Variants in CXXC5 observed in about 807,000 individuals in gnomAD.
CXXC5 encodes the protein CXXC-type zinc finger protein 5.
In CXXC5, 2 loss-of-function variants were observed where a neutral mutation model predicts 17.6. That is an observed-to-expected ratio of 0.11 (90% CI 0.05 to 0.36). The LOEUF (loss-of-function observed/expected upper bound fraction) is 0.36, where lower values mean the gene tolerates loss of function less well. Among genes scored for constraint, CXXC5 ranks in the 10% least tolerant of loss-of-function variants. The pLI, the probability that CXXC5 is intolerant of heterozygous loss-of-function variation, is 1.00. For synonymous variants in CXXC5, 171 were observed against 193.0 expected (o/e 0.89, Z 0.94); for missense variants, 343 against 458.3 (o/e 0.75, Z 2.30).
rs1325368527 is a variant in CXXC5, at chr5:139,658,289, T to C, written c.-161+9444T>C. ...AGAATGCTTGGAATGGAGGCATTTTTCAAGTCAGGATTCTCGTTGGGATTC... is the reference window on the plus strand; with the variant it reads ...AGAATGCTTGGAATGGAGGCATTTTCCAAGTCAGGATTCTCGTTGGGATTC... On this transcript the variant is annotated intron_variant, in intron 1 of 2. Coordinates refer to ENST00000302517, the MANE Select transcript of CXXC5 (RefSeq NM_016463.9). This position sits in a 1 kb window ranked among gnomAD's most constrained non-coding sequence, Gnocchi z 4.1. 6.6e-6 allele frequency among the ~76,000 whole-genome samples: 1 copy of C among 152,202 alleles called. No individual in the cohort carries two copies. The highest frequency in any genetic ancestry group is 1.5e-5 in the Non-Finnish European group (1 of 68,030).
At chr5:139,677,422 T>C (rs953833256) in intron 1 of CXXC5, among the ~76,000 whole-genome samples, 2 of 152,162 alleles carry the variant, frequency 1.3e-5, no homozygotes, top group African/African-American at 2.4e-5. Context: ...ATGGGGCTTT[T>C]GGTCAGGGGT....
At chr5:139,653,434 G>A (rs356448) in intron 1 of CXXC5, among the ~76,000 whole-genome samples, 10,712 of 152,218 alleles carry the variant, frequency 0.07, 465 homozygotes, top group South Asian at 0.13. Context: ...GGCTTACCTG[G>A]GAGTGTGAGC....
chr5:139,655,620 C>T (rs1195642956), intron 1 of CXXC5, among the ~76,000 whole-genome samples: 1 of 151,970 alleles, frequency 6.6e-6, no homozygotes, highest in African/African-American at 2.4e-5. Context: ...TCGCTGACAT[C>T]TCTGACCATC....
At chr5:139,652,120 C>T (rs1755218751) in intron 1 of CXXC5, among the ~76,000 whole-genome samples, 1 of 151,334 alleles carries the variant, frequency 6.6e-6, no homozygotes, top group Non-Finnish European at 1.5e-5. Context: ...TCTCTTACCC[C>T]CACCACCTGG....
intron 2 of CXXC5, among the ~76,000 whole-genome samples, chr5:139,682,510 C>A (rs1470996830): frequency 6.6e-6 from 1 of 152,206 alleles, no homozygotes; most frequent in African/African-American, 2.4e-5. Flanking sequence ...TAGCACGAGG[C>A]ACACACCCAT....
intron 1 of CXXC5, among the ~76,000 whole-genome samples, chr5:139,664,532 C>T (rs1476357856): frequency 3.3e-5 from 5 of 150,420 alleles, no homozygotes; most frequent in Admixed American, 6.6e-5. Context: ...GTCACTTCAT[C>T]GGGTTGACTT....
rs1353735748 is a variant in CXXC5 at position 139,655,473 on chromosome 5, C to T, written c.-161+6628C>T. On this transcript the variant is annotated intron_variant, in intron 1 of 2. Transcript: ENST00000302517. ...CCTGGGCATCCCTGCCGCTGAATTA[C>T]TGACCCAGAGGCTGCCTCTGCCTTC... 2.0e-5 allele frequency among the ~76,000 whole-genome samples: 3 copies of T among 147,658 alleles called. No homozygotes were observed. In the East Asian group the frequency reaches 6.2e-4, roughly 31 times the overall value.
At chr5:139,673,580 G>A (rs530742347) in intron 1 of CXXC5, among the ~76,000 whole-genome samples, 2 of 152,314 alleles carry the variant, frequency 1.3e-5, no homozygotes, top group Middle Eastern at 3.4e-3. Context: ...GGTGGCTCAC[G>A]CCTGTAACCC....
At chr5:139,652,901 G>A (rs1376510626) in intron 1 of CXXC5, among the ~76,000 whole-genome samples, 2 of 152,198 alleles carry the variant, frequency 1.3e-5, no homozygotes, top group African/African-American at 4.8e-5. Context: ...ACTCTGAGTA[G>A]AGTGTGTCTG....
In CXXC5 at chr5:139,681,285, C is replaced by T. The variant is rs1300002693; in HGVS notation, c.762C>T (p.Ser254=). The change falls in exon 2 of 3, where the codon AGC becomes AGT. Residue 254 remains serine, a synonymous_variant. Transcript: ENST00000302517. Reference sequence around the variant, plus strand: ...AGGGAGAGCTGGCCTCTGCCATCAGCTCCGGCAAGAAGAAGCGGAAACGCT... The same window carrying T: ...AGGGAGAGCTGGCCTCTGCCATCAGTTCCGGCAAGAAGAAGCGGAAACGCT... ...PMQGELASAI[S]SGKKKRKRCG... 1 of 1,612,792 alleles carries T rather than the reference C, an allele frequency of 6.2e-7. No homozygotes were observed.
At chr5:139,648,316 C>G (rs1178590983), upstream of CXXC5, 1 of 153,888 alleles carries the variant, frequency 6.5e-6, no homozygotes, top group Non-Finnish European at 1.5e-5. Flanking sequence ...CCCCGGGCAG[C>G]GTTCATAGCT....
Position 139,670,704 on chromosome 5 carries a change from A to G in CXXC5, c.-160-9660A>G, listed in dbSNP as rs913794674. ...CACGTGCACTTGGACATCCATGTAC[A>G]TTCACAGACTTGGGTCGCACACACA... On this transcript the variant is annotated intron_variant, in intron 1 of 2. Transcript: ENST00000302517. This position sits in a 1 kb window ranked among gnomAD's most constrained non-coding sequence, Gnocchi z 4.2. Among the ~76,000 whole-genome samples, 17 of 152,250 alleles carry G rather than the reference A, an allele frequency of 1.1e-4. No individual in the cohort carries two copies. The highest frequency in any genetic ancestry group is 3.9e-4 in the African/African-American group (16 of 41,464).
Position 139,652,155 on chromosome 5 carries a change from CGCGCGCGCGCGCGCGCGTGT to C in CXXC5, c.-161+3312_-161+3331del, listed in dbSNP as rs1164010249. On this transcript the variant is annotated intron_variant, in intron 1 of 2. Coordinates refer to ENST00000302517, the MANE Select transcript of CXXC5 (RefSeq NM_016463.9). ...GTCCCATCCTAGCCGCCGGCGCGCG[CGCGCGCGCGCGCGCGCGTGT>C]GTGTGTGTGTGTGTGTGTGTGGCTG... Among the ~76,000 whole-genome samples the C allele has an allele frequency of 3.8e-4, 29 of 76,992 alleles. No individual in the cohort carries two copies. In the East Asian group the frequency reaches 7.5e-3, roughly 20 times the overall value. The allele number at this position is 76,992 out of a possible 152,430, so 50.5% of individuals were successfully genotyped here. A position where few individuals can be genotyped will look rare whatever the true frequency, so the allele number is the denominator to read the frequency against.
chr5:139,667,783 G>C (rs1267231018), intron 1 of CXXC5, among the ~76,000 whole-genome samples: 1 of 152,170 alleles, frequency 6.6e-6, no homozygotes, highest in Non-Finnish European at 1.5e-5. Context: ...ACAGATCTTA[G>C]TGTTTGGGGG....
At chr5:139,669,334 A>T (rs1756314841) in intron 1 of CXXC5, among the ~76,000 whole-genome samples, 1 of 151,764 alleles carries the variant, frequency 6.6e-6, no homozygotes, top group African/African-American at 2.4e-5. Flanking sequence ...CCCTCCTGCA[A>T]CTCACACCCC....
In CXXC5 at chr5:139,661,465, C is replaced by T. The variant is rs763113315; in HGVS notation, c.-161+12620C>T. On this transcript the variant is annotated intron_variant, in intron 1 of 2. Coordinates refer to ENST00000302517, the MANE Select transcript of CXXC5 (RefSeq NM_016463.9). This position sits in a 1 kb window ranked among gnomAD's most constrained non-coding sequence, Gnocchi z 4.7. ...CTCGGTCACATGCACCATGCACACA[C>T]AGCTCCCATGTGGTGCTCCAGAAGC... Among the ~76,000 whole-genome samples the T allele has an allele frequency of 2.0e-5, 3 of 152,230 alleles. No individual in the cohort carries two copies. Among genetic ancestry groups the T allele is most frequent in the Non-Finnish European group, 4.4e-5 (3 of 68,044 alleles).
At chr5:139,669,240 A>G (rs1246883089) in intron 1 of CXXC5, among the ~76,000 whole-genome samples, 6 of 152,128 alleles carry the variant, frequency 3.9e-5, no homozygotes, top group Non-Finnish European at 8.8e-5. Flanking sequence ...GTGAGCTCAC[A>G]CTCAGCTCTG....
chr5:139,662,668 TGAG>T lies in CXXC5; in HGVS notation c.-161+13830_-161+13832del, dbSNP rs369097195. On this transcript the variant is annotated intron_variant, in intron 1 of 2. Coordinates refer to ENST00000302517, the MANE Select transcript of CXXC5 (RefSeq NM_016463.9). ...TCTCCATAAACGACTGGACCGTGGT[TGAG>T]GAGGAGAGAGGGACCCAAGCATCCT... 5.7e-3 allele frequency among the ~76,000 whole-genome samples: 868 copies of T among 152,272 alleles called. 6 individuals carry two copies. Among genetic ancestry groups the T allele is most frequent in the African/African-American group, 0.02 (820 of 41,562 alleles).
At chr5:139,680,185 G>T (rs1394741609) in intron 1 of CXXC5, among the ~76,000 whole-genome samples, 179 bp from the exon 2 acceptor site, 2 of 152,198 alleles carry the variant, frequency 1.3e-5, no homozygotes, top group African/African-American at 4.8e-5. Context: ...GAGTTCTTGT[G>T]GGTCTTAACT....
Sources: allele counts gnomAD v4.1 joint callset (sites outside exome capture counted in the v4.1 genomes callset), GRCh38; gene constraint gnomAD v4.1.1; non-coding constraint Gnocchi (gnomAD v3.1); transcripts MANE v1.5; gene names NCBI Gene and HGNC (gene_info 2026-07-23, HGNC 2026-07-21).